CES5A: variants seen among roughly 807,000 people sequenced by gnomAD.
CES5A encodes the protein carboxylesterase 5A.
A neutral mutation model predicts 62.9 loss-of-function variants in CES5A; 67 were observed. The observed-to-expected ratio is 1.07, with a 90% CI of 0.88 to 1.31. CES5A has a LOEUF of 1.31. Ranked by LOEUF, CES5A falls within the 50% of genes most tolerant of loss-of-function variation. The probability of loss-of-function intolerance (pLI) is 0.00; values close to 1 mark genes in which losing one functional copy is unlikely to be tolerated. For missense variants in CES5A, 748 were observed against 708.5 expected, an observed-to-expected ratio of 1.06 and a Z score of -0.63; for synonymous variants, 296 against 280.8, an observed-to-expected ratio of 1.05 and a Z score of -0.54.
At chr16:55,931,408 C>T (rs2034310510) in intron 2 of CES5A, among the ~76,000 whole-genome samples, 1 of 152,216 alleles carries the variant, frequency 6.6e-6, no homozygotes, top group Admixed American at 6.5e-5. Flanking sequence ...TCTGCCACAA[C>T]ACACGTGGAC....
At chr16:55,941,509 A>G (rs1351882929) in intron 2 of CES5A, among the ~76,000 whole-genome samples, 1 of 152,134 alleles carries the variant, frequency 6.6e-6, no homozygotes, top group Non-Finnish European at 1.5e-5. Flanking sequence ...ATGGATTGCA[A>G]AACTCAGCAT....
At chr16:55,854,639 C>T (rs1457861375) in intron 9 of CES5A, among the ~76,000 whole-genome samples, 1 of 148,288 alleles carries the variant, frequency 6.7e-6, no homozygotes, top group Non-Finnish European at 1.5e-5. Context: ...GCTCAACAAT[C>T]CTCCTGCTTG....
At chr16:55,905,271 A>G (rs183178557) in intron 1 of CES5A, among the ~76,000 whole-genome samples, 370 of 152,144 alleles carry the variant, frequency 2.4e-3, no homozygotes, top group African/African-American at 8.4e-3. Context: ...TGGTTTCCAC[A>G]GTGAGGGGAG....
At chr16:55,914,902 A>C (rs1402857634) in intron 1 of CES5A, among the ~76,000 whole-genome samples, 2 of 152,196 alleles carry the variant, frequency 1.3e-5, no homozygotes, top group African/African-American at 4.8e-5. Flanking sequence ...TGGTTACATA[A>C]GATGTTAACA....
At chr16:55,859,921 T>C (rs2033318890) in intron 7 of CES5A, among the ~76,000 whole-genome samples, 1 of 152,220 alleles carries the variant, frequency 6.6e-6, no homozygotes, top group Non-Finnish European at 1.5e-5. Context: ...TCTCATCTGC[T>C]AAATGGGAAT....
At chr16:55,906,885 G>A (rs1014123493) in intron 1 of CES5A, among the ~76,000 whole-genome samples, 6 of 152,192 alleles carry the variant, frequency 3.9e-5, no homozygotes, top group Admixed American at 1.3e-4. Flanking sequence ...CAGATGAATC[G>A]ACAGTCCCAC....
intron 2 of CES5A, among the ~76,000 whole-genome samples, chr16:55,933,802 A>G (rs1290410495): frequency 6.6e-6 from 1 of 152,176 alleles, no homozygotes; most frequent in African/African-American, 2.4e-5. Flanking sequence ...TTATAATGTA[A>G]AACAGAATAG....
chr16:55,889,633 T>TAG (rs2033853704), intron 1 of CES5A, among the ~76,000 whole-genome samples: 2 of 151,640 alleles, frequency 1.3e-5, no homozygotes, highest in African/African-American at 4.8e-5. Context: ...CATGTTCAGC[T>TAG]ATCCAGAAGC....
chr16:55,954,303 AG>A (rs1813034644), intron 1 of CES5A, among the ~76,000 whole-genome samples: 2 of 152,256 alleles, frequency 1.3e-5, no homozygotes, highest in South Asian at 4.1e-4. Context: ...TAACTTTTCC[AG>A]AAGCAGAATG....
intron 2 of CES5A, among the ~76,000 whole-genome samples, chr16:55,936,642 C>G (rs1463720500): frequency 6.6e-6 from 1 of 152,094 alleles, no homozygotes; most frequent in Admixed American, 6.5e-5. Context: ...TGAGTGATAC[C>G]AATACAGATC....
At chr16:55,858,988 G>T (rs1369062633) in intron 8 of CES5A, among the ~76,000 whole-genome samples, 1 of 151,988 alleles carries the variant, frequency 6.6e-6, no homozygotes, top group Non-Finnish European at 1.5e-5. Flanking sequence ...TCTCAATCTC[G>T]TGTCTTATCT....
chr16:55,856,555 C>T (rs1391690845), intron 8 of CES5A, 110 bp from the exon 9 acceptor site: 4 of 926,308 alleles, frequency 4.3e-6, no homozygotes, highest in African/African-American at 1.6e-5. Flanking sequence ...ATAAGGAGCC[C>T]TCAAGCCCAA....
chr16:55,949,714 A>T (rs12596217), intron 2 of CES5A: 1 of 526,974 alleles, frequency 1.9e-6, no homozygotes, highest in Admixed American at 3.7e-5. Flanking sequence ...GGAACCATGG[A>T]CTGTGAGTCA....
chr16:55,923,589 T>C (rs1306994670), intron 1 of CES5A, among the ~76,000 whole-genome samples: 4 of 151,704 alleles, frequency 2.6e-5, no homozygotes, highest in African/African-American at 9.7e-5. Flanking sequence ...TATCCAACAT[T>C]TAAAGAAGTA....
chr16:55,923,581 T>A (rs2034230381), intron 1 of CES5A, among the ~76,000 whole-genome samples: 1 of 151,694 alleles, frequency 6.6e-6, no homozygotes, highest in Non-Finnish European at 1.5e-5. Context: ...ATGAATTCTA[T>A]CCAACATTTA....
At position 55,853,387 on chromosome 16, in the gene CES5A, G is replaced by C. The variant is rs756406527; in HGVS notation, c.1126-359C>G. On this transcript the variant is annotated intron_variant, in intron 9 of 12. Transcript: ENST00000290567. ...TCAGTGCAAAGTAAAAACATAAACT[G>C]CTTGTTCAAAAAATCATTAAGAATT... is the stretch of plus-strand genomic sequence containing the variant. 9.1e-4 allele frequency among the ~76,000 whole-genome samples: 138 copies of C among 152,146 alleles called. 3 individuals carry two copies. The highest frequency in any genetic ancestry group is 1.8e-4 in the Non-Finnish European group (12 of 68,036).
intron 1 of CES5A, among the ~76,000 whole-genome samples, chr16:55,902,375 C>G (rs1261451813): frequency 6.6e-6 from 1 of 152,108 alleles, no homozygotes; most frequent in Non-Finnish European, 1.5e-5. Flanking sequence ...CAAGTTATTA[C>G]TCATCCCCAC....
Position 55,883,239 on chromosome 16 carries a change from C to T in CES5A, c.-255-9202G>A, listed in dbSNP as rs778192385. 4.6e-5 allele frequency among the ~76,000 whole-genome samples: 7 copies of T among 152,060 alleles called. No homozygotes were observed. The South Asian group carries it at 1.5e-3, about 32-fold the overall frequency. ...GAATCGAATGGAATTGTGAAAGGCA[C>T]CACCACCATTGCATCTTTTTTTTGT... On this transcript the variant is annotated intron_variant, in intron 1 of 12. Transcript: ENST00000518005.
At chr16:55,853,684 G>C (rs1447661063) in intron 9 of CES5A, among the ~76,000 whole-genome samples, 1 of 152,134 alleles carries the variant, frequency 6.6e-6, no homozygotes, top group Admixed American at 6.5e-5. Context: ...TGTTTCCCCT[G>C]GGCCCCATTG....
Sources: gnomAD v4.1 joint callset for allele counts (sites outside exome capture counted in the v4.1 genomes callset) on GRCh38, gnomAD v4.1.1 for gene constraint, MANE v1.5 for transcripts, NCBI Gene and HGNC (gene_info 2026-07-23, HGNC 2026-07-21) for gene names.